SCN2A: variants seen among roughly 807,000 people sequenced by gnomAD.
SCN2A encodes the protein sodium channel protein type 2 subunit alpha.
SCN2A carries 20 observed loss-of-function variants against 188.7 expected under a neutral mutation model. The ratio of observed to expected loss-of-function variants is 0.11; its 90% CI spans 0.07 to 0.15. SCN2A has a LOEUF of 0.15. Among genes scored for constraint, SCN2A ranks in the 10% least tolerant of loss-of-function variants. The pLI is 1.00. For synonymous variants in SCN2A, 804 were observed against 833.1 expected, an observed-to-expected ratio of 0.97 and a Z score of 0.60; for missense variants, 1,278 against 2,445.0, an observed-to-expected ratio of 0.52 and a Z score of 10.07.
chr2:165,336,832 C>A (rs1438300935), intron 14 of SCN2A, among the ~76,000 whole-genome samples: 4 of 151,832 alleles, frequency 2.6e-5, no homozygotes, highest in Non-Finnish European at 5.9e-5. Context: ...TATATATCAC[C>A]TTTCATAATG....
At chr2:165,368,750 C>CT (rs1164520051) in intron 19 of SCN2A, among the ~76,000 whole-genome samples, 1 of 151,960 alleles carries the variant, frequency 6.6e-6, no homozygotes. Flanking sequence ...GGTTGCATTC[C>CT]TTTTACTGTT....
At chr2:165,329,306 G>C (rs1219541291) in intron 13 of SCN2A, among the ~76,000 whole-genome samples, 1 of 152,098 alleles carries the variant, frequency 6.6e-6, no homozygotes, top group Non-Finnish European at 1.5e-5. Context: ...TCACACCTTT[G>C]TGAAGGATGG....
chr2:165,312,137 T>C (rs760400769), intron 8 of SCN2A, 49 bp downstream of exon 8: 1 of 1,390,856 alleles, frequency 7.2e-7, no homozygotes, highest in South Asian at 1.2e-5. Context: ...TCCATCAGTG[T>C]CAATAACCTG....
chr2:165,376,215 TA>T (rs1433459176), intron 22 of SCN2A, among the ~76,000 whole-genome samples: 1 of 151,814 alleles, frequency 6.6e-6, no homozygotes, highest in Non-Finnish European at 1.5e-5. Flanking sequence ...AAAATAAGTA[TA>T]AGAAGCGATA....
At chr2:165,341,342 C>A (rs867129126) in intron 14 of SCN2A, among the ~76,000 whole-genome samples, 1 of 152,144 alleles carries the variant, frequency 6.6e-6, no homozygotes, top group Admixed American at 6.6e-5. Context: ...ATCTGCCCAC[C>A]TCGGCCTCCC....
chr2:165,321,359 C>G (rs886474247), intron 11 of SCN2A, among the ~76,000 whole-genome samples: 1 of 152,172 alleles, frequency 6.6e-6, no homozygotes, highest in Non-Finnish European at 1.5e-5. Flanking sequence ...TTCTTCCGAG[C>G]CCTCCAAACT....
At chr2:165,271,603 A>G (rs1430842203) in intron 1 of SCN2A, 4 of 152,194 alleles carry the variant, frequency 2.6e-5, no homozygotes, top group Non-Finnish European at 5.9e-5. Context: ...AAAATAAAAT[A>G]CAGATATTTT....
chr2:165,278,998 G>A (rs1408986830), intron 1 of SCN2A, among the ~76,000 whole-genome samples: 5 of 151,426 alleles, frequency 3.3e-5, no homozygotes, highest in Non-Finnish European at 7.4e-5. Flanking sequence ...AAGGAAGGAA[G>A]GAATGAAGGA....
At position 165,261,086 on chromosome 2, in the gene SCN2A, A is replaced by G. The variant is rs138283660; in HGVS notation, c.-52+21446A>G. On this transcript the variant is annotated intron_variant, in intron 1 of 26. Coordinates refer to ENST00000375437, the MANE Select transcript of SCN2A (RefSeq NM_001040142.2). ...TGACACCTAATACAATGTAAATGCT[A>G]TGTAAACAGTTGTCATATTGTAATG... is the stretch of plus-strand genomic sequence containing the variant. Among the ~76,000 whole-genome samples, 36 of 152,188 alleles carry G rather than the reference A, an allele frequency of 2.4e-4. 1 individual carries two copies. Among genetic ancestry groups the G allele is most frequent in the African/African-American group, 8.7e-4 (36 of 41,530 alleles).
chr2:165,343,691 G>T (rs1699427723), intron 15 of SCN2A, among the ~76,000 whole-genome samples: 1 of 152,030 alleles, frequency 6.6e-6, no homozygotes, highest in Admixed American at 6.5e-5. Flanking sequence ...AACCATAAAT[G>T]GTACTTCAGT....
intron 1 of SCN2A, among the ~76,000 whole-genome samples, chr2:165,279,427 G>T (rs1695486934): frequency 6.6e-6 from 1 of 151,982 alleles, no homozygotes; most frequent in South Asian, 2.1e-4. Context: ...TCATCAAAAA[G>T]GTATAAAGGA....
chr2:165,260,993 A>G (rs1694572680), intron 1 of SCN2A, among the ~76,000 whole-genome samples: 1 of 142,202 alleles, frequency 7.0e-6, no homozygotes, highest in African/African-American at 2.6e-5. Context: ...AAAAAAAGGT[A>G]TGTGTGGTAT....
rs886044285 is a variant in SCN2A at position 165,388,810 on chromosome 2, C to T, written c.5004C>T (p.Phe1668=). ...TGTTTAACATCGGCCTCCTTCTTTT[C>T]CTGGTCATGTTCATCTACGCCATCT... ...PALFNIGLLL[F]LVMFIYAIFG... The change falls in exon 27 of 27, where the codon TTC becomes TTT. Residue 1668 remains phenylalanine (F), a synonymous_variant. Coordinates refer to ENST00000375437, the MANE Select transcript of SCN2A (RefSeq NM_001040142.2). 13 of 1,614,048 alleles carry T rather than the reference C, an allele frequency of 8.1e-6. No individual in the cohort carries two copies. The highest frequency in any genetic ancestry group is 1.1e-5 in the Non-Finnish European group (13 of 1,179,986).
intron 1 of SCN2A, among the ~76,000 whole-genome samples, chr2:165,291,035 C>CTTTTTTTTTTTTTTTTTTTTTTTTTTT (rs55979694): frequency 1.3e-5 from 1 of 79,944 alleles, no homozygotes; most frequent in Middle Eastern, 0.011. Flanking sequence ...TCTTTTCTTT[C>CTTTTTTTTTTTTTTTTTTTTTTTTTTT]TTTTTTTTTT....
intron 13 of SCN2A, 60 bp from the exon 14 acceptor site, chr2:165,331,270 C>A (rs1698658292): frequency 7.8e-7 from 1 of 1,287,740 alleles, no homozygotes; most frequent in South Asian, 1.2e-5. Context: ...TAATTTAAAC[C>A]AAATCTGCTT....
chr2:165,263,799 G>A (rs1694714233), intron 1 of SCN2A, among the ~76,000 whole-genome samples: 4 of 151,578 alleles, frequency 2.6e-5, no homozygotes, highest in African/African-American at 9.7e-5. Context: ...ATTTGTTTGT[G>A]TTGTCTATGA....
chr2:165,242,516 T>G (rs1450115807), intron 1 of SCN2A, among the ~76,000 whole-genome samples: 1 of 152,134 alleles, frequency 6.6e-6, no homozygotes, highest in African/African-American at 2.4e-5. Context: ...AAATTAATTT[T>G]AAGAGAAGAG....
chr2:165,275,650 T>A (rs546097489), intron 1 of SCN2A, among the ~76,000 whole-genome samples: 6 of 152,234 alleles, frequency 3.9e-5, no homozygotes, highest in Non-Finnish European at 7.3e-5. Flanking sequence ...TTGTGCTTAG[T>A]ACAGTGCTAT....
chr2:165,325,435 A>G (rs890938845), intron 12 of SCN2A, among the ~76,000 whole-genome samples: 5 of 152,212 alleles, frequency 3.3e-5, no homozygotes, highest in Non-Finnish European at 7.3e-5. Context: ...GCAGAGGTGA[A>G]ATGACAATAG....
Sources: allele counts gnomAD v4.1 joint callset (sites outside exome capture counted in the v4.1 genomes callset), GRCh38; gene constraint gnomAD v4.1.1; transcripts MANE v1.5; gene names NCBI Gene and HGNC (gene_info 2026-07-23, HGNC 2026-07-21).